Variants in LRRC8D observed in about 807,000 individuals in gnomAD.
LRRC8D encodes the protein volume-regulated anion channel subunit LRRC8D.
A neutral mutation model predicts 55.8 loss-of-function variants in LRRC8D; 20 were observed. That is an observed-to-expected ratio of 0.36 (90% CI 0.25 to 0.52). LRRC8D has a LOEUF of 0.52. LRRC8D is among the 20% of genes least tolerant of loss of function. LRRC8D has a pLI of 0.93. For missense variants in LRRC8D, 651 were observed against 1,030.8 expected (o/e 0.63, Z 5.05); for synonymous variants, 352 against 377.0 (o/e 0.93, Z 0.77).
chr1:89,855,803 C>T (rs1661539022), intron 2 of LRRC8D, among the ~76,000 whole-genome samples: 2 of 152,174 alleles, frequency 1.3e-5, no homozygotes, highest in Admixed American at 1.3e-4. Context: ...TATGTTCTTC[C>T]ATTTCCTGAG....
At chr1:89,922,451 T>G (rs1663448133) in intron 2 of LRRC8D, among the ~76,000 whole-genome samples, 1 of 152,262 alleles carries the variant, frequency 6.6e-6, no homozygotes, top group African/African-American at 2.4e-5. Flanking sequence ...AGGATTACTC[T>G]ATGTGCGTGG....
At chr1:89,868,872 A>G (rs548111632) in intron 2 of LRRC8D, among the ~76,000 whole-genome samples, 62 of 152,194 alleles carry the variant, frequency 4.1e-4, no homozygotes, top group Admixed American at 1.2e-3. Context: ...CTTTTTAAGT[A>G]TTGACACTGT....
At chr1:89,868,598 T>C (rs970233074) in intron 2 of LRRC8D, among the ~76,000 whole-genome samples, 2 of 151,974 alleles carry the variant, frequency 1.3e-5, no homozygotes, top group African/African-American at 4.8e-5. Context: ...GTTCTAACTA[T>C]ATGCCAGGCA....
chr1:89,898,619 C>T (rs548628588), intron 2 of LRRC8D, among the ~76,000 whole-genome samples: 4 of 152,126 alleles, frequency 2.6e-5, no homozygotes, highest in African/African-American at 9.7e-5. Flanking sequence ...AAGGAGAGAT[C>T]GGTTAATTTC....
intron 1 of LRRC8D, among the ~76,000 whole-genome samples, chr1:89,824,567 T>A (rs1477317032): frequency 6.6e-6 from 1 of 152,218 alleles, no homozygotes; most frequent in Non-Finnish European, 1.5e-5. Context: ...GTTTGTTGTA[T>A]TTTTACTTGA....
intron 2 of LRRC8D, among the ~76,000 whole-genome samples, chr1:89,851,120 C>G (rs1661406455): frequency 6.6e-6 from 1 of 151,446 alleles, no homozygotes; most frequent in Non-Finnish European, 1.5e-5. Flanking sequence ...TTATGGCTCC[C>G]TTTCATACTT....
At chr1:89,920,144 G>A (rs1488839207) in intron 2 of LRRC8D, among the ~76,000 whole-genome samples, 1 of 152,182 alleles carries the variant, frequency 6.6e-6, no homozygotes, top group African/African-American at 2.4e-5. Context: ...TCACAGCAGT[G>A]TACTAACACA....
At chr1:89,882,687 T>C (rs1371066561) in intron 2 of LRRC8D, among the ~76,000 whole-genome samples, 1 of 152,178 alleles carries the variant, frequency 6.6e-6, no homozygotes, top group Non-Finnish European at 1.5e-5. Flanking sequence ...GGCGCCAAAG[T>C]GCTAATAAAT....
chr1:89,842,576 C>T (rs987617879), intron 1 of LRRC8D, among the ~76,000 whole-genome samples: 6 of 152,172 alleles, frequency 3.9e-5, no homozygotes, highest in African/African-American at 1.4e-4. Context: ...CCATGAATGC[C>T]AACAGCTTGA....
chr1:89,842,138 G>A (rs566390772), intron 1 of LRRC8D, among the ~76,000 whole-genome samples: 110 of 150,688 alleles, frequency 7.3e-4, no homozygotes, highest in South Asian at 2.3e-3. Context: ...GTTTGAACCC[G>A]AGAGGCGGAG....
chr1:89,928,881 C>T (rs1435293564), intron 2 of LRRC8D, among the ~76,000 whole-genome samples: 4 of 152,198 alleles, frequency 2.6e-5, no homozygotes, highest in African/African-American at 9.7e-5. Flanking sequence ...ATGCTGGGAC[C>T]TGGCTTAGAG....
intron 2 of LRRC8D, among the ~76,000 whole-genome samples, chr1:89,923,179 T>C (rs1284821383): frequency 3.9e-5 from 6 of 152,264 alleles, no homozygotes; most frequent in African/African-American, 1.4e-4. Context: ...AATGTTAAGC[T>C]GATTTTCATG....
chr1:89,927,891 G>A (rs920721784), intron 2 of LRRC8D, among the ~76,000 whole-genome samples: 7 of 152,148 alleles, frequency 4.6e-5, no homozygotes, highest in Admixed American at 2.6e-4. Flanking sequence ...TGCTTGCCAC[G>A]TGGAAGGAAA....
At chr1:89,928,758 C>G (rs1173291766) in intron 2 of LRRC8D, among the ~76,000 whole-genome samples, 1 of 152,204 alleles carries the variant, frequency 6.6e-6, no homozygotes, top group Non-Finnish European at 1.5e-5. Flanking sequence ...AAAGCCTGTC[C>G]TGAGTACAAG....
Position 89,890,779 on chromosome 1 carries a change from C to T in LRRC8D, c.-2-42288C>T, listed in dbSNP as rs116651399. On this transcript the variant is annotated intron_variant, in intron 2 of 2. Coordinates refer to ENST00000337338, the MANE Select transcript of LRRC8D (RefSeq NM_001134479.2). ...TCTAGAAACCTTATGCAAGTTTTGC[C>T]AGTTTTCCTACTAATGTCCTTTTTC... 4.2e-3 allele frequency among the ~76,000 whole-genome samples: 643 copies of T among 152,292 alleles called. 7 individuals carry two copies. The highest frequency in any genetic ancestry group is 0.015 in the African/African-American group (620 of 41,566).
At chr1:89,829,578 ATACC>A (rs1345278839) in intron 1 of LRRC8D, among the ~76,000 whole-genome samples, 1 of 152,180 alleles carries the variant, frequency 6.6e-6, no homozygotes, top group Non-Finnish European at 1.5e-5. Context: ...TTATTTTATA[ATACC>A]TAGTAGTATT....
chr1:89,914,333 C>T lies in LRRC8D; in HGVS notation c.-2-18734C>T, dbSNP rs372284630. Among the ~76,000 whole-genome samples the T allele has an allele frequency of 9.2e-5, 14 of 152,348 alleles. 1 individual carries two copies. The highest frequency in any genetic ancestry group is 3.3e-4 in the Admixed American group (5 of 15,306). ...AGCACGCAGCCTTGGTTCCCGCTCA[C>T]GCCTCTGCCTCCACACCTCCCTGCA... On this transcript the variant is annotated intron_variant, in intron 2 of 2. Coordinates refer to ENST00000337338, the MANE Select transcript of LRRC8D (RefSeq NM_001134479.2).
intron 1 of LRRC8D, among the ~76,000 whole-genome samples, chr1:89,832,763 G>A (rs973787997): frequency 2.0e-5 from 3 of 152,168 alleles, no homozygotes; most frequent in Non-Finnish European, 4.4e-5. Context: ...GGCATTATGC[G>A]TTAACAAGTT....
chr1:89,832,830 C>T (rs534969528), intron 1 of LRRC8D, among the ~76,000 whole-genome samples: 7 of 152,352 alleles, frequency 4.6e-5, no homozygotes, highest in African/African-American at 1.7e-4. Flanking sequence ...GAATCCAGTC[C>T]TAGTGACGAA....
Sources: gnomAD v4.1 joint callset for allele counts (sites outside exome capture counted in the v4.1 genomes callset) on GRCh38, gnomAD v4.1.1 for gene constraint, MANE v1.5 for transcripts, NCBI Gene and HGNC (gene_info 2026-07-23, HGNC 2026-07-21) for gene names.